Variants in ADAMTS17 observed in about 807,000 individuals in gnomAD.
ADAMTS17 encodes ADAM metallopeptidase with thrombospondin type 1 motif 17.
Under a neutral mutation model 141.5 loss-of-function variants are expected in ADAMTS17, and 113 were observed. The ratio of observed to expected loss-of-function variants is 0.80; its 90% CI spans 0.69 to 0.93. The LOEUF (loss-of-function observed/expected upper bound fraction) is 0.93, where lower values mean the gene tolerates loss of function less well. ADAMTS17 is among the 40% of genes least tolerant of loss of function. The pLI is 0.00. For missense variants in ADAMTS17, 1,659 were observed against 1,517.9 expected (o/e 1.09, Z -1.54); for synonymous variants, 768 against 630.6 (o/e 1.22, Z -3.27).
chr15:100,200,199 C>T (rs1188562160), intron 7 of ADAMTS17, among the ~76,000 whole-genome samples: 6 of 152,212 alleles, frequency 3.9e-5, no homozygotes, highest in Admixed American at 3.9e-4. Flanking sequence ...AGGAGAAACG[C>T]AATGCAGGGC....
intron 15 of ADAMTS17, among the ~76,000 whole-genome samples, chr15:100,065,424 T>C (rs766701982): frequency 5.3e-4 from 80 of 152,252 alleles, no homozygotes; most frequent in Non-Finnish European, 1.1e-3. Flanking sequence ...GCTACATTTT[T>C]AAACTATAAT....
intron 7 of ADAMTS17, among the ~76,000 whole-genome samples, chr15:100,206,695 G>C (rs1271834449): frequency 6.6e-6 from 1 of 152,200 alleles, no homozygotes; most frequent in East Asian, 1.9e-4. Context: ...TCTCCTCCAT[G>C]TGGGGAACGG....
chr15:100,103,691 G>A, intron 14 of ADAMTS17, among the ~76,000 whole-genome samples: 1 of 151,954 alleles, frequency 6.6e-6, no homozygotes, highest in East Asian at 1.9e-4. Context: ...CAATTCTCCT[G>A]CCTCAGCCTC....
At position 99,972,117 on chromosome 15, in the gene ADAMTS17, G is replaced by C. The variant is rs1273828480; in HGVS notation, c.*2285C>G. The C allele has an allele frequency of 1.3e-5, 2 of 152,370 alleles. No individual in the cohort carries two copies. The highest frequency in any genetic ancestry group is 2.9e-5 in the Non-Finnish European group (2 of 68,236). 9.4% of individuals were successfully genotyped at this position (152,370 alleles called of 1,614,324 possible). A position where few individuals can be genotyped will look rare whatever the true frequency, so the allele number is the denominator to read the frequency against. ...ATACAAAAAAGTAGGTGGGCGTGGTGGTGGGCGCCTGTAGTCCCAGCTACT... is the reference window on the plus strand; with the variant it reads ...ATACAAAAAAGTAGGTGGGCGTGGTCGTGGGCGCCTGTAGTCCCAGCTACT... On this transcript the variant is annotated 3_prime_UTR_variant, in exon 22 of 22. Coordinates refer to ENST00000268070, the MANE Select transcript of ADAMTS17 (RefSeq NM_139057.4).
chr15:100,051,762 T>A, intron 16 of ADAMTS17, 31 bp from the exon 17 acceptor site: 1 of 1,614,084 alleles, frequency 6.2e-7, no homozygotes, highest in African/African-American at 1.3e-5. Flanking sequence ...AAGGCCATTT[T>A]GAAAAGGAAG....
intron 18 of ADAMTS17, among the ~76,000 whole-genome samples, chr15:100,011,165 C>T (rs751617033): frequency 1.3e-5 from 2 of 149,214 alleles, no homozygotes; most frequent in Admixed American, 6.7e-5. Flanking sequence ...CCCCAAGAAT[C>T]GAGATGGGTG....
intron 15 of ADAMTS17, among the ~76,000 whole-genome samples, chr15:100,064,177 C>G (rs1049311324): frequency 1.3e-5 from 2 of 152,220 alleles, no homozygotes; most frequent in Middle Eastern, 3.4e-3. Context: ...AACATGAAGG[C>G]AGAGATGAAG....
intron 8 of ADAMTS17, among the ~76,000 whole-genome samples, chr15:100,164,640 T>C (rs2039874756): frequency 6.6e-6 from 1 of 152,170 alleles, no homozygotes; most frequent in South Asian, 2.1e-4. Flanking sequence ...TCAGGTGCTC[T>C]CAGAGAGCTG....
chr15:100,255,978 C>T (rs1380109215), intron 6 of ADAMTS17, among the ~76,000 whole-genome samples: 2 of 152,188 alleles, frequency 1.3e-5, no homozygotes, highest in Non-Finnish European at 2.9e-5. Context: ...CAGTTAGAGG[C>T]CTGTCTTGAA....
chr15:99,993,242 A>T lies in ADAMTS17; in HGVS notation c.2797-42T>A. Reference sequence around the variant, plus strand: ...AAATATTTAACCGAGTTCCAATTCGATTCAAGTCCATCAACAGCTATTAAC... The same window carrying T: ...AAATATTTAACCGAGTTCCAATTCGTTTCAAGTCCATCAACAGCTATTAAC... On this transcript the variant is annotated intron_variant, in intron 19 of 21. Transcript: ENST00000268070. This position sits in a 1 kb window ranked among gnomAD's most constrained non-coding sequence, Gnocchi z 4.3. 1 of 1,613,186 alleles carries T rather than the reference A, an allele frequency of 6.2e-7. No homozygotes were observed.
At chr15:100,048,780 G>T in intron 18 of ADAMTS17, 77 bp downstream of exon 18, 1 of 1,601,494 alleles carries the variant, frequency 6.2e-7, no homozygotes. Flanking sequence ...GGCATTAACT[G>T]CATATCACTC....
intron 2 of ADAMTS17, 129 bp downstream of exon 2, chr15:100,340,910 C>T: frequency 1.4e-6 from 2 of 1,395,702 alleles, no homozygotes; most frequent in Admixed American, 4.1e-5. Context: ...GGTGGAAAGG[C>T]AGGGGGTTCC....
At chr15:100,187,056 C>G (rs551702227) in intron 8 of ADAMTS17, among the ~76,000 whole-genome samples, 2 of 152,140 alleles carry the variant, frequency 1.3e-5, no homozygotes, top group African/African-American at 4.8e-5. Context: ...CCGAGAGAGC[C>G]AGACTCATGT....
rs535865796 is a variant in ADAMTS17, at chr15:100,033,102, G to A, written c.2591+15755C>T. On this transcript the variant is annotated intron_variant, in intron 18 of 21. Transcript: ENST00000268070. ...TATGGGTCCAAACTAAGCTCTCAAC[G>A]GGAAGCAGAAGGCCCAGTGAACAGG... Among the ~76,000 whole-genome samples, 4 of 152,272 alleles carry A rather than the reference G, an allele frequency of 2.6e-5. No individual in the cohort carries two copies. In the East Asian group the frequency reaches 5.8e-4, roughly 22 times the overall value.
At chr15:100,157,162 C>T (rs778918805) in intron 8 of ADAMTS17, among the ~76,000 whole-genome samples, 10 of 152,110 alleles carry the variant, frequency 6.6e-5, no homozygotes, top group Admixed American at 1.3e-4. Context: ...ACAGAGGAAA[C>T]CACCCTCATG....
chr15:100,160,949 G>C (rs9806684), intron 8 of ADAMTS17, among the ~76,000 whole-genome samples: 16 of 152,104 alleles, frequency 1.1e-4, no homozygotes, highest in African/African-American at 3.9e-4. Context: ...ACTCATATTA[G>C]TTTAAGTTTA....
intron 20 of ADAMTS17, among the ~76,000 whole-genome samples, chr15:99,977,155 A>G (rs2141266908): frequency 6.6e-6 from 1 of 151,684 alleles, no homozygotes; most frequent in African/African-American, 2.4e-5. Context: ...CCTTTCTTGC[A>G]TACCAGAGTC....
At chr15:100,252,508 C>G (rs1011242607) in intron 7 of ADAMTS17, among the ~76,000 whole-genome samples, 1 of 152,172 alleles carries the variant, frequency 6.6e-6, no homozygotes, top group African/African-American at 2.4e-5. Context: ...GAGCACGGAG[C>G]AGAGGCGCCC....
chr15:100,213,224 T>C (rs1202251553), intron 7 of ADAMTS17, among the ~76,000 whole-genome samples: 2 of 152,218 alleles, frequency 1.3e-5, no homozygotes, highest in Non-Finnish European at 2.9e-5. Flanking sequence ...TCCATGGAGA[T>C]GGACTTGGCA....
Sources: gnomAD v4.1 joint callset for allele counts (sites outside exome capture counted in the v4.1 genomes callset) on GRCh38, gnomAD v4.1.1 for gene constraint, Gnocchi (gnomAD v3.1) non-coding constraint, MANE v1.5 for transcripts, NCBI Gene and HGNC (gene_info 2026-07-23, HGNC 2026-07-21) for gene names.